Variants in SH3PXD2B observed in about 807,000 individuals in gnomAD.
SH3PXD2B encodes SH3 and PX domains 2B.
A neutral mutation model predicts 73.1 loss-of-function variants in SH3PXD2B; 37 were observed. That is an observed-to-expected ratio of 0.51 (90% CI 0.39 to 0.67). The LOEUF is 0.67. Among genes scored for constraint, SH3PXD2B ranks in the 30% least tolerant of loss-of-function variants. The pLI, the probability that SH3PXD2B is intolerant of heterozygous loss-of-function variation, is 0.00. For missense variants in SH3PXD2B, 1,053 were observed against 1,197.8 expected (o/e 0.88, Z 1.78); for synonymous variants, 457 against 480.5 (o/e 0.95, Z 0.64).
In SH3PXD2B at chr5:172,371,473, G is replaced by C. The variant is rs1374213448; in HGVS notation, c.427+2317C>G. On this transcript the variant is annotated intron_variant, in intron 6 of 12. Transcript: ENST00000311601. The stretch of plus-strand genomic sequence containing the variant: ...TTTGGTGTAGAAATCTCAGGAGTTA[G>C]TCTGTCAATGTTAGATCCCTTCAAA... 3.3e-5 allele frequency among the ~76,000 whole-genome samples: 5 copies of C among 152,200 alleles called. No individual in the cohort carries two copies. The East Asian group carries it at 9.6e-4, about 29-fold the overall frequency.
Position 172,353,844 on chromosome 5 carries a change from G to A in SH3PXD2B, c.785+44C>T. 1 of 1,536,392 alleles carries A rather than the reference G, an allele frequency of 6.5e-7. No homozygotes were observed. The highest frequency in any genetic ancestry group is 9.0e-7 in the Non-Finnish European group (1 of 1,110,858). On this transcript the variant is annotated intron_variant, in intron 9 of 12. Transcript: ENST00000311601. This position sits in a 1 kb window ranked among gnomAD's most constrained non-coding sequence, Gnocchi z 4.3. ...CTGTGACCCCAAACCCACCCAGCGT[G>A]ACCCCAAACCCACCCAGCAACCGTG...
At chr5:172,418,593 G>T (rs907542754) in intron 2 of SH3PXD2B, among the ~76,000 whole-genome samples, 1 of 152,218 alleles carries the variant, frequency 6.6e-6, no homozygotes, top group Admixed American at 6.5e-5. Flanking sequence ...TTGCAGGCCC[G>T]CAAGGGCTGG....
chr5:172,398,763 G>A (rs1198262266), intron 3 of SH3PXD2B, among the ~76,000 whole-genome samples: 2 of 152,208 alleles, frequency 1.3e-5, no homozygotes, highest in Non-Finnish European at 2.9e-5. Context: ...CCTATGTGCT[G>A]TCTAACTTGT....
chr5:172,448,353 CTTTAT>C (rs1759721005), intron 1 of SH3PXD2B, among the ~76,000 whole-genome samples: 1 of 152,210 alleles, frequency 6.6e-6, no homozygotes, highest in Middle Eastern at 3.4e-3. Context: ...TATTGAGTAC[CTTTAT>C]TTTATTTTTG....
intron 3 of SH3PXD2B, among the ~76,000 whole-genome samples, chr5:172,403,812 A>G (rs1758488741): frequency 6.6e-6 from 1 of 152,244 alleles, no homozygotes; most frequent in South Asian, 2.1e-4. Context: ...TGTGAAACCA[A>G]GAGATTCCAA....
At chr5:172,369,855 T>G (rs1454888955) in intron 6 of SH3PXD2B, among the ~76,000 whole-genome samples, 2 of 117,772 alleles carry the variant, frequency 1.7e-5, no homozygotes, top group Non-Finnish European at 3.2e-5. Flanking sequence ...AGCATTCAAA[T>G]GCCTTCCTTC....
chr5:172,335,686 A>G lies in SH3PXD2B; in HGVS notation c.*2683T>C. On this transcript the variant is annotated 3_prime_UTR_variant, in exon 13 of 13. Coordinates refer to ENST00000311601, the MANE Select transcript of SH3PXD2B (RefSeq NM_001017995.3). The stretch of plus-strand genomic sequence containing the variant: ...AGGGGAGTTCTGCATATGCGCCATC[A>G]ATCGCTCACAGAATAGCGACCACAG... 1 of 1,231,766 alleles carries G rather than the reference A, an allele frequency of 8.1e-7. No homozygotes were observed. Among genetic ancestry groups the G allele is most frequent in the Non-Finnish European group, 1.0e-6 (1 of 987,994 alleles). The allele number at this position is 1,231,766 out of a possible 1,614,324, so 76.3% of individuals were successfully genotyped here. A position where few individuals can be genotyped will look rare whatever the true frequency, so the allele number is the denominator to read the frequency against.
At chr5:172,385,269 T>C (rs890096923) in intron 4 of SH3PXD2B, among the ~76,000 whole-genome samples, 2 of 152,056 alleles carry the variant, frequency 1.3e-5, no homozygotes, top group African/African-American at 2.4e-5. Context: ...GCAAATATCT[T>C]GTGGCTTCCC....
At chr5:172,344,849 A>G (rs866943145) in intron 12 of SH3PXD2B, among the ~76,000 whole-genome samples, 8 of 152,132 alleles carry the variant, frequency 5.3e-5, no homozygotes, top group Non-Finnish European at 7.3e-5. Flanking sequence ...ACTGTAGTAC[A>G]CAGCAAGGCC....
In SH3PXD2B at chr5:172,383,647, C is replaced by T. The variant is rs117247749; in HGVS notation, c.310-1520G>A. ...TTGTTGCACACACCTGTGCAGAGAA[C>T]ACGTGTGCATATGCATGAATTGCAC... On this transcript the variant is annotated intron_variant, in intron 4 of 12. Coordinates refer to ENST00000311601, the MANE Select transcript of SH3PXD2B (RefSeq NM_001017995.3). Among the ~76,000 whole-genome samples, 810 of 152,292 alleles carry T rather than the reference C, an allele frequency of 5.3e-3. 39 individuals are homozygous for T. In the East Asian group the frequency reaches 0.1, roughly 19 times the overall value.
intron 1 of SH3PXD2B, among the ~76,000 whole-genome samples, chr5:172,450,377 T>G (rs1048845044): frequency 1.3e-5 from 2 of 151,862 alleles, no homozygotes; most frequent in Non-Finnish European, 2.9e-5. Context: ...TTCTTAAAAA[T>G]AAAAACAAAA....
intron 1 of SH3PXD2B, among the ~76,000 whole-genome samples, chr5:172,451,750 C>A (rs1455302860): frequency 6.6e-6 from 1 of 152,210 alleles, no homozygotes; most frequent in Non-Finnish European, 1.5e-5. Context: ...CCTTCATGCC[C>A]GCTCTTTCCA....
Position 172,353,945 on chromosome 5 carries a change from T to C in SH3PXD2B, c.728A>G (p.Glu243Gly). ...TARDQDEMNL[E>G]RGAVVEVIQK... ...GATGACCTCCACCACAGCCCCTCTC[T>C]CCAGGTTCATTTCATCCTGGTCCCG... The change falls in exon 9 of 13, where the codon GAG becomes GGG. Residue 243 changes from glutamate (E) to glycine (G), a missense_variant. By Grantham distance (98) the Glu-to-Gly change is moderately conservative. Coordinates refer to ENST00000311601, the MANE Select transcript of SH3PXD2B (RefSeq NM_001017995.3). This position sits in a 1 kb window ranked among gnomAD's most constrained non-coding sequence, Gnocchi z 4.3. 6.2e-7 allele frequency: 1 copy of C among 1,614,030 alleles called. No homozygotes were observed. Among genetic ancestry groups the C allele is most frequent in the Admixed American group, 1.7e-5 (1 of 59,982 alleles).
At chr5:172,429,104 C>T (rs1759169580) in intron 1 of SH3PXD2B, among the ~76,000 whole-genome samples, 2 of 152,162 alleles carry the variant, frequency 1.3e-5, no homozygotes, top group African/African-American at 2.4e-5. Flanking sequence ...TGCTGTATGC[C>T]CAGCACTGGG....
chr5:172,390,759 CAAGT>C (rs1758165614), intron 4 of SH3PXD2B, among the ~76,000 whole-genome samples: 1 of 151,580 alleles, frequency 6.6e-6, no homozygotes, highest in Admixed American at 6.6e-5. Flanking sequence ...GGTCATATGA[CAAGT>C]TTAACTTTTG....
At position 172,348,659 on chromosome 5, in the gene SH3PXD2B, C is replaced by CTATCTATG. The variant is rs1554135133; in HGVS notation, c.1013-1328_1013-1327insCATAGATA. On this transcript the variant is annotated intron_variant, in intron 10 of 12. Transcript: ENST00000311601. ...CTATGTATCTATCTATCTATCCTAT[C>CTATCTATG]TATCTATCTATCTATCTATCTATCT... 1.0e-4 allele frequency among the ~76,000 whole-genome samples: 11 copies of CTATCTATG among 107,784 alleles called. 1 individual carries two copies. Among genetic ancestry groups the CTATCTATG allele is most frequent in the African/African-American group, 3.6e-4 (11 of 30,646 alleles). The allele number at this position is 107,784 out of a possible 152,430, so 70.7% of individuals were successfully genotyped here. A position where few individuals can be genotyped will look rare whatever the true frequency, so the allele number is the denominator to read the frequency against.
intron 3 of SH3PXD2B, among the ~76,000 whole-genome samples, chr5:172,396,876 G>A (rs1286098625): frequency 6.6e-6 from 1 of 152,140 alleles, no homozygotes; most frequent in Non-Finnish European, 1.5e-5. Context: ...AGGAGATGGA[G>A]GTTGCAGTGA....
intron 1 of SH3PXD2B, among the ~76,000 whole-genome samples, chr5:172,422,860 C>A (rs1561934401): frequency 6.6e-6 from 1 of 152,190 alleles, no homozygotes; most frequent in Non-Finnish European, 1.5e-5. Flanking sequence ...TGACTTTCAT[C>A]AGGAGAAGTC....
At chr5:172,383,204 T>G (rs1214745138) in intron 4 of SH3PXD2B, among the ~76,000 whole-genome samples, 1 of 152,174 alleles carries the variant, frequency 6.6e-6, no homozygotes, top group Non-Finnish European at 1.5e-5. Flanking sequence ...GAAGGGACTG[T>G]TTTATGATTT....
Sources: allele counts gnomAD v4.1 joint callset (sites outside exome capture counted in the v4.1 genomes callset), GRCh38; gene constraint gnomAD v4.1.1; non-coding constraint Gnocchi (gnomAD v3.1); transcripts MANE v1.5; gene names NCBI Gene and HGNC (gene_info 2026-07-23, HGNC 2026-07-21).